Variants in TYW1B observed in about 807,000 individuals in gnomAD.
TYW1B encodes S-adenosyl-L-methionine-dependent tRNA 4-demethylwyosine synthase TYW1B.
Under a neutral mutation model 86.9 loss-of-function variants are expected in TYW1B, and 73 were observed. That is an observed-to-expected ratio of 0.84 (90% CI 0.70 to 1.02). The LOEUF is 1.02. TYW1B is among the 50% of genes least tolerant of loss of function. TYW1B has a pLI of 0.00. For missense variants in TYW1B, 637 were observed against 827.4 expected (o/e 0.77, Z 2.82); for synonymous variants, 248 against 292.8 (o/e 0.85, Z 1.56).
At chr7:72,689,985 C>T (rs1271728989) in intron 11 of TYW1B, among the ~76,000 whole-genome samples, 3 of 152,102 alleles carry the variant, frequency 2.0e-5, no homozygotes, top group East Asian at 3.8e-4. Flanking sequence ...ATAAGCCCTT[C>T]GTAACAATGG....
chr7:72,703,017 TATA>T (rs1814519615), intron 10 of TYW1B, among the ~76,000 whole-genome samples: 11 of 73,406 alleles, frequency 1.5e-4, no homozygotes, highest in African/African-American at 4.7e-4. Flanking sequence ...TATATATATA[TATA>T]TATATATTTT....
In TYW1B at chr7:72,627,605, C is replaced by T. The variant is rs180911601; in HGVS notation, c.1617+1282G>A. On this transcript the variant is annotated intron_variant, in intron 12 of 13. Transcript: ENST00000620995. ...TAGTAAAATAATATATGCATTTACC[C>T]TTTGACCCAGCAATACACTCATCGG... Among the ~76,000 whole-genome samples, 246 of 152,144 alleles carry T rather than the reference C, an allele frequency of 1.6e-3. 1 individual carries two copies. Among genetic ancestry groups the T allele is most frequent in the African/African-American group, 5.3e-3 (222 of 41,522 alleles).
intron 13 of TYW1B, among the ~76,000 whole-genome samples, chr7:72,586,897 T>C (rs1253208523): frequency 6.6e-6 from 1 of 152,024 alleles, no homozygotes; most frequent in Admixed American, 6.6e-5. Flanking sequence ...GTAAAATTCA[T>C]CTATCTGCAC....
intron 11 of TYW1B, among the ~76,000 whole-genome samples, chr7:72,662,999 T>C (rs1458705016): frequency 6.6e-6 from 1 of 152,226 alleles, no homozygotes; most frequent in African/African-American, 2.4e-5. Context: ...CTTTTTTTCA[T>C]AAATCAAACA....
intron 9 of TYW1B, among the ~76,000 whole-genome samples, chr7:72,719,592 C>A (rs1786855720): frequency 7.4e-6 from 1 of 135,842 alleles, no homozygotes; most frequent in Admixed American, 8.4e-5. Context: ...GATCTCACCA[C>A]TGCACTCCAG....
At chr7:72,730,760 T>C (rs1214286973) in intron 8 of TYW1B, among the ~76,000 whole-genome samples, 1 of 151,618 alleles carries the variant, frequency 6.6e-6, no homozygotes, top group Non-Finnish European at 1.5e-5. Flanking sequence ...GGGACACCAT[T>C]ACATGAACAA....
chr7:72,647,898 C>T (rs1205037693), intron 11 of TYW1B, among the ~76,000 whole-genome samples: 4 of 152,024 alleles, frequency 2.6e-5, no homozygotes, highest in South Asian at 2.1e-4. Flanking sequence ...GTTGCCCAGG[C>T]TTGTCTCGAA....
rs6976863 is a variant in TYW1B, at chr7:72,806,215, C to T, written c.723+851G>A. On this transcript the variant is annotated intron_variant, in intron 5 of 13. Coordinates refer to ENST00000620995, the MANE Select transcript of TYW1B (RefSeq NM_001145440.3). Reference sequence around the variant, plus strand: ...CTAACAATGCAAGGATTAAAGAAGACGTTTTGGTTGTGTGTGTGTGGGTTT... The same window carrying T: ...CTAACAATGCAAGGATTAAAGAAGATGTTTTGGTTGTGTGTGTGTGGGTTT... Among the ~76,000 whole-genome samples the T allele has an allele frequency of 2.8e-4, 42 of 150,064 alleles. 1 individual carries two copies. Among genetic ancestry groups the T allele is most frequent in the African/African-American group, 9.3e-4 (38 of 40,718 alleles).
intron 9 of TYW1B, among the ~76,000 whole-genome samples, chr7:72,728,086 C>G (rs1489537567): frequency 6.6e-6 from 1 of 151,930 alleles, no homozygotes; most frequent in Non-Finnish European, 1.5e-5. Context: ...TTATATTATC[C>G]CTCCTTTTTT....
chr7:72,810,300 T>C (rs1788581166), intron 4 of TYW1B, among the ~76,000 whole-genome samples, 171 bp downstream of exon 4: 1 of 152,148 alleles, frequency 6.6e-6, no homozygotes, highest in African/African-American at 2.4e-5. Context: ...AATAAAATAA[T>C]AGAAGAAATG....
At chr7:72,717,021 C>T (rs34690922) in intron 9 of TYW1B, among the ~76,000 whole-genome samples, 17 of 151,894 alleles carry the variant, frequency 1.1e-4, no homozygotes, top group Non-Finnish European at 2.4e-4. Context: ...TGCAGTTTGG[C>T]TGGGCACGGC....
chr7:72,782,240 G>C (rs1162787937), intron 6 of TYW1B, among the ~76,000 whole-genome samples: 2 of 152,030 alleles, frequency 1.3e-5, no homozygotes, highest in Non-Finnish European at 1.5e-5. Context: ...GGTGAGCTAT[G>C]ATCACACCAC....
intron 7 of TYW1B, among the ~76,000 whole-genome samples, chr7:72,747,007 G>A (rs115549603): frequency 2.0e-3 from 310 of 152,254 alleles, no homozygotes; most frequent in African/African-American, 7.0e-3. Context: ...TTGTTGGGAG[G>A]AGCAGTATTT....
At chr7:72,735,725 C>T (rs2129571184) in intron 8 of TYW1B, among the ~76,000 whole-genome samples, 1 of 152,128 alleles carries the variant, frequency 6.6e-6, no homozygotes, top group African/African-American at 2.4e-5. Flanking sequence ...CAAAAATTAT[C>T]CGGGCTTGGT....
At chr7:72,625,974 T>C (rs1554438732) in intron 12 of TYW1B, among the ~76,000 whole-genome samples, 1 of 151,860 alleles carries the variant, frequency 6.6e-6, no homozygotes, top group African/African-American at 2.4e-5. Context: ...GAGGTTTTAC[T>C]GCAACATAAT....
intron 11 of TYW1B, among the ~76,000 whole-genome samples, chr7:72,675,703 A>G (rs1813721071): frequency 6.6e-6 from 1 of 151,930 alleles, no homozygotes. Context: ...ATAGTTCATC[A>G]GCTAACACTT....
At chr7:72,677,148 T>C (rs1361664783) in intron 11 of TYW1B, among the ~76,000 whole-genome samples, 1 of 152,160 alleles carries the variant, frequency 6.6e-6, no homozygotes, top group Non-Finnish European at 1.5e-5. Flanking sequence ...CATGTATTCA[T>C]TGATTCATTC....
At chr7:72,617,146 T>C (rs192158447) in intron 12 of TYW1B, among the ~76,000 whole-genome samples, 234 of 147,424 alleles carry the variant, frequency 1.6e-3, no homozygotes, top group African/African-American at 5.9e-3. Context: ...ATAGCATGTC[T>C]TTTGATTCAG....
chr7:72,586,003 C>T (rs1176955533), intron 13 of TYW1B, among the ~76,000 whole-genome samples: 10 of 152,120 alleles, frequency 6.6e-5, no homozygotes, highest in Non-Finnish European at 1.0e-4. Flanking sequence ...CATTCACCAG[C>T]GCAAAGTTCA....
Sources: allele counts gnomAD v4.1 joint callset (sites outside exome capture counted in the v4.1 genomes callset), GRCh38; gene constraint gnomAD v4.1.1; transcripts MANE v1.5; gene names NCBI Gene and HGNC (gene_info 2026-07-23, HGNC 2026-07-21).